The following ARHGAP25 variants were observed in gnomAD, a reference collection of about 807,000 sequenced individuals.
The protein encoded by ARHGAP25 is Rho GTPase activating protein 25, also known as rho GTPase-activating protein 25.
In ARHGAP25, 34 loss-of-function variants were observed where a neutral mutation model predicts 71.0. The ratio of observed to expected loss-of-function variants is 0.48; its 90% CI spans 0.36 to 0.64. The LOEUF (loss-of-function observed/expected upper bound fraction) is 0.64. Ranked by LOEUF, ARHGAP25 falls within the 30% of genes least tolerant of loss-of-function variation. The pLI, the probability that ARHGAP25 is intolerant of heterozygous loss-of-function variation, is 0.00. For missense variants in ARHGAP25, 706 were observed against 805.1 expected (o/e 0.88, Z 1.49); for synonymous variants, 282 against 296.5 (o/e 0.95, Z 0.50).
intron 5 of ARHGAP25, among the ~76,000 whole-genome samples, chr2:68,808,954 C>T (rs1245720596): frequency 2.6e-5 from 4 of 152,160 alleles, no homozygotes; most frequent in Non-Finnish European, 5.9e-5. Context: ...GACATCTCCA[C>T]CCCTAGAAGT....
At chr2:68,819,047 C>T (rs367947553) in intron 8 of ARHGAP25, 76 bp from the exon 9 acceptor site, 1 of 1,328,528 alleles carries the variant, frequency 7.5e-7, no homozygotes, top group Admixed American at 2.4e-5. Flanking sequence ...TTGGAGACAT[C>T]CACGGGTGGG....
At chr2:68,792,312 A>G (rs544130552) in intron 4 of ARHGAP25, among the ~76,000 whole-genome samples, 93 of 152,314 alleles carry the variant, frequency 6.1e-4, no homozygotes, top group African/African-American at 2.2e-3. Flanking sequence ...TGTTACATGC[A>G]TAGATTATGT....
intron 2 of ARHGAP25, among the ~76,000 whole-genome samples, chr2:68,723,397 G>A (rs544221125): frequency 5.9e-5 from 9 of 152,288 alleles, no homozygotes; most frequent in South Asian, 4.1e-4. Flanking sequence ...ACCACATGCC[G>A]CTTAGCTGGT....
At chr2:68,756,264 G>A (rs550309772) in intron 1 of ARHGAP25, among the ~76,000 whole-genome samples, 9 of 152,194 alleles carry the variant, frequency 5.9e-5, no homozygotes, top group Admixed American at 3.3e-4. Context: ...TGCAGGGGCC[G>A]AATGGGAAAA....
intron 2 of ARHGAP25, among the ~76,000 whole-genome samples, chr2:68,776,667 A>G (rs948362734): frequency 1.3e-5 from 2 of 152,158 alleles, no homozygotes; most frequent in African/African-American, 2.4e-5. Context: ...CTGAACAATT[A>G]CGCCAGGACC....
intron 1 of ARHGAP25, among the ~76,000 whole-genome samples, chr2:68,742,875 C>T (rs905820587): frequency 1.3e-4 from 20 of 152,200 alleles, no homozygotes; most frequent in Non-Finnish European, 1.0e-4. Flanking sequence ...ACTCTTTATG[C>T]TTCCAAATGC....
At position 68,816,296 on chromosome 2, in the gene ARHGAP25, A is replaced by G; in HGVS notation, c.815A>G (p.Gln272Arg). 5 of 1,613,584 alleles carry G rather than the reference A, an allele frequency of 3.1e-6. No individual in the cohort carries two copies. Among genetic ancestry groups the G allele is most frequent in the South Asian group, 2.2e-5 (2 of 91,068 alleles). Residue 272 changes from glutamine to arginine, a missense_variant, in exon 7 of 11, where the codon CAG becomes CGG. Physicochemically the swap from Gln to Arg is conservative, Grantham distance 43. Coordinates refer to ENST00000409202, the MANE Select transcript of ARHGAP25 (RefSeq NM_001007231.3). ...GTGTAAATCTCTTCCCAGGCTCAGCAGGAGTTGATGAAGCAGCTCTCCATC... is the reference window on the plus strand; with the variant it reads ...GTGTAAATCTCTTCCCAGGCTCAGCGGGAGTTGATGAAGCAGCTCTCCATC... The part of the protein sequence containing the change: ...LTNADEAKAQ[Q>R]ELMKQLSILP...
intron 6 of ARHGAP25, 117 bp downstream of exon 6, chr2:68,813,536 T>C (rs1264958653): frequency 8.6e-7 from 1 of 1,160,798 alleles, no homozygotes; most frequent in East Asian, 2.6e-5. Flanking sequence ...GATAGTCAAA[T>C]GCAACTTCCT....
At chr2:68,772,751 G>T (rs777234971) in intron 1 of ARHGAP25, among the ~76,000 whole-genome samples, 1 of 152,182 alleles carries the variant, frequency 6.6e-6, no homozygotes, top group Non-Finnish European at 1.5e-5. Flanking sequence ...TAGAGCAAGT[G>T]ATCAGCCCAC....
intron 1 of ARHGAP25, among the ~76,000 whole-genome samples, chr2:68,740,495 C>A (rs999082202): frequency 6.6e-6 from 1 of 152,330 alleles, no homozygotes; most frequent in South Asian, 2.1e-4. Flanking sequence ...TAGCTTCCAG[C>A]TCTTTCTCAT....
chr2:68,727,329 G>A (rs1190696907), intron 2 of ARHGAP25, among the ~76,000 whole-genome samples: 1 of 152,182 alleles, frequency 6.6e-6, no homozygotes, highest in Non-Finnish European at 1.5e-5. Context: ...TGGTTAAGAT[G>A]TGGGTACAAA....
upstream of ARHGAP25, among the ~76,000 whole-genome samples, chr2:68,731,820 C>G (rs76909318): frequency 1.1e-4 from 16 of 151,736 alleles, no homozygotes; most frequent in Middle Eastern, 3.4e-3. Context: ...ATACACCCCC[C>G]CTAGCTCCCT....
At chr2:68,775,466 G>C in intron 2 of ARHGAP25, 46 bp downstream of exon 2, 2 of 1,611,992 alleles carry the variant, frequency 1.2e-6, no homozygotes, top group Admixed American at 1.7e-5. Context: ...CGGAGGAGGC[G>C]GGCCTGGAGC....
At chr2:68,712,785 T>C (rs1031884011) in intron 2 of ARHGAP25, among the ~76,000 whole-genome samples, 45 of 152,206 alleles carry the variant, frequency 3.0e-4, no homozygotes, top group African/African-American at 9.9e-4. Flanking sequence ...CTATTGCTCG[T>C]TTTTGTCAGG....
At chr2:68,720,817 C>T (rs571468299) in intron 2 of ARHGAP25, among the ~76,000 whole-genome samples, 162 of 152,292 alleles carry the variant, frequency 1.1e-3, no homozygotes, top group African/African-American at 3.7e-3. Context: ...TGTTTGCACA[C>T]GTACTGGGCC....
intron 4 of ARHGAP25, among the ~76,000 whole-genome samples, chr2:68,789,248 C>T (rs1240597696): frequency 2.6e-5 from 4 of 152,096 alleles, no homozygotes; most frequent in Non-Finnish European, 5.9e-5. Context: ...CCATGTTGGC[C>T]AGGATGGTCT....
chr2:68,816,217 AG>A (rs1558660663), intron 6 of ARHGAP25, 71 bp from the exon 7 acceptor site: 1 of 1,269,202 alleles, frequency 7.9e-7, no homozygotes, highest in South Asian at 1.2e-5. Flanking sequence ...ATTCTGTCCC[AG>A]GGTCTCCTTG....
In ARHGAP25 at chr2:68,787,950, TG is replaced by T; in HGVS notation, c.461del (p.Cys154LeufsTer55). On this transcript the variant is annotated frameshift_variant, in exon 4 of 11. Coordinates refer to ENST00000409202, the MANE Select transcript of ARHGAP25 (RefSeq NM_001007231.3). LOFTEE classifies it high-confidence loss of function. ...CCTCAGGAGAGTTGCTGGCACACCC[TG>T]TGGAGGTAAGGACCCCTGCAGGCTT... ...KFLRRVAGTPCGAVFGQRLDE... is the reference protein window; with the variant it reads ...KFLRRVAGTPXGAVFGQRLDE... 2.5e-6 allele frequency: 4 copies of T among 1,613,974 alleles called. No individual in the cohort carries two copies. The highest frequency in any genetic ancestry group is 3.4e-6 in the Non-Finnish European group (4 of 1,179,838).
intron 1 of ARHGAP25, among the ~76,000 whole-genome samples, chr2:68,753,100 C>T (rs1286335268): frequency 6.6e-6 from 1 of 152,094 alleles, no homozygotes; most frequent in Non-Finnish European, 1.5e-5. Flanking sequence ...TAAAACCACC[C>T]CCCAGTTGAG....
Sources: allele counts gnomAD v4.1 joint callset (sites outside exome capture counted in the v4.1 genomes callset), GRCh38; gene constraint gnomAD v4.1.1; transcripts MANE v1.5; gene names NCBI Gene and HGNC (gene_info 2026-07-23, HGNC 2026-07-21).